Variants in MTRF1 observed in about 807,000 individuals in gnomAD.
MTRF1 encodes the protein peptide chain release factor 1, mitochondrial.
In MTRF1, 51 loss-of-function variants were observed where a neutral mutation model predicts 62.9. The ratio of observed to expected loss-of-function variants is 0.81; its 90% CI spans 0.65 to 1.02. MTRF1 has a LOEUF of 1.02. MTRF1 is among the 50% of genes least tolerant of loss of function. The pLI is 0.00. For missense variants in MTRF1, 446 were observed against 530.0 expected (o/e 0.84, Z 1.56); for synonymous variants, 158 against 181.9 (o/e 0.87, Z 1.06).
chr13:41,237,218 C>CAAAAA lies in MTRF1; in HGVS notation c.870+3038_870+3042dup, dbSNP rs11412273. Among the ~76,000 whole-genome samples, 55 of 63,800 alleles carry CAAAAA rather than the reference C, an allele frequency of 8.6e-4. 2 individuals carry two copies. The highest frequency in any genetic ancestry group is 3.4e-3 in the African/African-American group (47 of 13,840). The allele number at this position is 63,800 out of a possible 152,430, so 41.9% of individuals were successfully genotyped here. On this transcript the variant is annotated intron_variant, in intron 6 of 9. Transcript: ENST00000379480. ...TGGGTGACAGAGTGAGAATCTGTCT[C>CAAAAA]AAAAAAAAAAAAAAAAAAAAAGAAT...
chr13:41,261,784 G>C (rs1437424410), intron 1 of MTRF1: 1 of 985,112 alleles, frequency 1.0e-6, no homozygotes, highest in Non-Finnish European at 1.2e-6. Flanking sequence ...ACTCTCAATT[G>C]TGCAATCACT....
At chr13:41,302,268 G>A in the MTRF1 span, among the ~76,000 whole-genome samples, 70 of 152,160 alleles carry the variant, frequency 4.6e-4, no homozygotes, top group African/African-American at 1.5e-3. Context: ...GATCTCAGGT[G>A]AGCCACCCGC....
chr13:41,298,142 T>A, the MTRF1 span, among the ~76,000 whole-genome samples: 21 of 152,206 alleles, frequency 1.4e-4, no homozygotes, highest in Admixed American at 1.3e-4. Flanking sequence ...TGGAACTTAT[T>A]AGGTTAGACA....
At chr13:41,311,232 A>T in the MTRF1 span, 1 of 510,410 alleles carries the variant, frequency 2.0e-6, no homozygotes, top group Non-Finnish European at 3.4e-6. Flanking sequence ...TGCGCACAGG[A>T]TCCGGCTCGG....
the MTRF1 span, among the ~76,000 whole-genome samples, chr13:41,286,768 AT>A: frequency 2.6e-5 from 4 of 152,078 alleles, no homozygotes; most frequent in Non-Finnish European, 5.9e-5. Flanking sequence ...AAGCTGGTCA[AT>A]TTTTTTTAAC....
At chr13:41,253,653 A>T (rs9315818) in intron 3 of MTRF1, among the ~76,000 whole-genome samples, 96,833 of 152,018 alleles carry the variant, frequency 0.64, 31,097 homozygotes, top group Admixed American at 0.66. Context: ...TTCAAATCAA[A>T]GTAAAAGTAC....
At chr13:41,311,850 T>C in the MTRF1 span, among the ~76,000 whole-genome samples, 5 of 152,292 alleles carry the variant, frequency 3.3e-5, no homozygotes, top group African/African-American at 1.2e-4. Flanking sequence ...CACGCCGCTC[T>C]CCGCAGTGCC....
At chr13:41,307,279 C>T in the MTRF1 span, among the ~76,000 whole-genome samples, 2 of 152,048 alleles carry the variant, frequency 1.3e-5, no homozygotes, top group Non-Finnish European at 2.9e-5. Flanking sequence ...GACAGATTTT[C>T]CCCTTGCTGT....
At position 41,217,131 on chromosome 13, in the gene MTRF1, A is replaced by T. The variant is rs150511596; in HGVS notation, c.1322T>A (p.Leu441His). ...AGTTAGTATTTATTTTGCTGATTTAAGGTGTTCATCCAAAAGTTCAGCAAT... is the reference window on the plus strand; with the variant it reads ...AGTTAGTATTTATTTTGCTGATTTATGGTGTTCATCCAAAAGTTCAGCAAT... ...EAIAELLDEHLKSAK is the reference protein window; with the variant it reads ...EAIAELLDEHHKSAK Residue 441 changes from leucine to histidine, a missense_variant, in exon 10 of 10, where the codon CTT becomes CAT. Coordinates refer to ENST00000379480, the MANE Select transcript of MTRF1 (RefSeq NM_004294.4). 107 of 1,601,818 alleles carry T rather than the reference A, an allele frequency of 6.7e-5. No individual in the cohort carries two copies. The African/African-American group carries it at 1.2e-3, about 18-fold the overall frequency.
At chr13:41,311,310 G>A in the MTRF1 span, 1 of 547,152 alleles carries the variant, frequency 1.8e-6, no homozygotes, top group African/African-American at 2.0e-5. Flanking sequence ...CCAAAAAGCG[G>A]AGCCCAGGGG....
chr13:41,238,768 C>T (rs1415039020), intron 6 of MTRF1, among the ~76,000 whole-genome samples: 1 of 152,150 alleles, frequency 6.6e-6, no homozygotes, highest in Non-Finnish European at 1.5e-5. Context: ...CTAAGGTACA[C>T]TAAAAGTGAG....
At chr13:41,285,264 C>A in the MTRF1 span, among the ~76,000 whole-genome samples, 3 of 152,180 alleles carry the variant, frequency 2.0e-5, no homozygotes, top group East Asian at 5.8e-4. Context: ...CCTATAAAAG[C>A]CTTCCAACTT....
Position 41,254,639 on chromosome 13 carries a change from A to T in MTRF1, c.416-19T>A, listed in dbSNP as rs1205436357. On this transcript the variant is annotated intron_variant, in intron 2 of 9. Transcript: ENST00000379480. Reference sequence around the variant, plus strand: ...TTTAGGCCTAAAAGCCAGAAACAGAAATAATGATAAAGTTTTTAAATACTT... The same window carrying T: ...TTTAGGCCTAAAAGCCAGAAACAGATATAATGATAAAGTTTTTAAATACTT... 6.9e-6 allele frequency: 11 copies of T among 1,582,926 alleles called. No individual in the cohort carries two copies. The highest frequency in any genetic ancestry group is 8.7e-6 in the Non-Finnish European group (10 of 1,154,446).
chr13:41,220,396 TG>T (rs1793374135), intron 9 of MTRF1: 2 of 248,470 alleles, frequency 8.0e-6, no homozygotes, highest in Non-Finnish European at 1.6e-5. Flanking sequence ...AAATTTCCAG[TG>T]TAACTGGAAT....
chr13:41,228,223 T>C (rs1415251160), intron 7 of MTRF1, among the ~76,000 whole-genome samples: 4 of 152,292 alleles, frequency 2.6e-5, no homozygotes, highest in Admixed American at 2.0e-4. Context: ...TATTTAATAA[T>C]GAGTACTCCC....
chr13:41,283,720 G>A, the MTRF1 span, among the ~76,000 whole-genome samples: 1 of 147,878 alleles, frequency 6.8e-6, no homozygotes, highest in East Asian at 2.0e-4. Flanking sequence ...CTCCCGAGTA[G>A]CTGGGACCAC....
the MTRF1 span, chr13:41,311,196 C>T: frequency 5.4e-5 from 25 of 462,976 alleles, no homozygotes; most frequent in Non-Finnish European, 8.4e-5. Flanking sequence ...TCACCCGCAG[C>T]CCCTCGCCAA....
rs1317255354 is a variant in MTRF1 at position 41,252,767 on chromosome 13, G to A, written c.590-15C>T. The A allele has an allele frequency of 3.9e-5, 63 of 1,606,070 alleles. No homozygotes were observed. The East Asian group carries it at 6.3e-4, about 16-fold the overall frequency. Reference sequence around the variant, plus strand: ...GCAGATGTCACCTAAAACAAAATACGAAAAATATTTAGTCAGGACAAATTT... The same window carrying A: ...GCAGATGTCACCTAAAACAAAATACAAAAAATATTTAGTCAGGACAAATTT... On this transcript the variant is annotated splice_polypyrimidine_tract_variant and intron_variant, in intron 4 of 9. Transcript: ENST00000379480.
At chr13:41,280,363 T>C in the MTRF1 span, among the ~76,000 whole-genome samples, 1 of 152,350 alleles carries the variant, frequency 6.6e-6, no homozygotes, top group East Asian at 1.9e-4. Context: ...CTTAGAGTTG[T>C]CCTGCCTTTC....
Sources: gnomAD v4.1 joint callset for allele counts (sites outside exome capture counted in the v4.1 genomes callset) on GRCh38, gnomAD v4.1.1 for gene constraint, MANE v1.5 for transcripts, NCBI Gene and HGNC (gene_info 2026-07-23, HGNC 2026-07-21) for gene names.